Variants in DPP6 observed in about 807,000 individuals in gnomAD.
The protein encoded by DPP6 is A-type potassium channel modulatory protein DPP6.
A neutral mutation model predicts 122.6 loss-of-function variants in DPP6; 69 were observed. That is an observed-to-expected ratio of 0.56 (90% CI 0.46 to 0.69). The LOEUF (loss-of-function observed/expected upper bound fraction) is 0.69. DPP6 is among the 30% of genes least tolerant of loss of function. The probability of loss-of-function intolerance (pLI) is 0.00; values close to 1 mark genes in which losing one functional copy is unlikely to be tolerated. For synonymous variants in DPP6, 418 were observed against 433.1 expected (o/e 0.97, Z 0.43); for missense variants, 928 against 1,116.9 (o/e 0.83, Z 2.41).
chr7:154,779,734 C>G (rs946141110), intron 10 of DPP6, among the ~76,000 whole-genome samples: 5 of 152,158 alleles, frequency 3.3e-5, no homozygotes, highest in Non-Finnish European at 7.4e-5. Context: ...CAGACATCTT[C>G]AGGTGATTCC....
At chr7:154,555,164 G>C (rs1829924361) in intron 4 of DPP6, among the ~76,000 whole-genome samples, 1 of 151,882 alleles carries the variant, frequency 6.6e-6, no homozygotes, top group South Asian at 2.1e-4. Context: ...CAAACCAAAT[G>C]ATTCAAATAA....
At chr7:154,183,116 C>T (rs969281719) in intron 1 of DPP6, among the ~76,000 whole-genome samples, 1 of 152,120 alleles carries the variant, frequency 6.6e-6, no homozygotes, top group Admixed American at 6.6e-5. Flanking sequence ...TGTTGAGTCC[C>T]CAGCTGGCTA....
At chr7:154,702,457 A>G (rs2131269583) in intron 7 of DPP6, among the ~76,000 whole-genome samples, 1 of 152,400 alleles carries the variant, frequency 6.6e-6, no homozygotes, top group Admixed American at 6.5e-5. Flanking sequence ...AAGTCTTTGA[A>G]GAAAATTAAA....
chr7:154,613,009 A>C (rs1367875460), intron 5 of DPP6, among the ~76,000 whole-genome samples: 2 of 152,108 alleles, frequency 1.3e-5, no homozygotes, highest in Non-Finnish European at 2.9e-5. Context: ...CAAACTTCTG[A>C]CTTCTTGTTG....
chr7:154,864,367 C>T (rs977559564), intron 17 of DPP6, among the ~76,000 whole-genome samples: 1 of 152,162 alleles, frequency 6.6e-6, no homozygotes, highest in African/African-American at 2.4e-5. Context: ...GCCCATGGGA[C>T]GCAGCGAGGG....
intron 2 of DPP6, among the ~76,000 whole-genome samples, chr7:154,459,009 G>A (rs755373279): frequency 6.6e-5 from 10 of 152,182 alleles, no homozygotes; most frequent in African/African-American, 7.2e-5. Context: ...AGGAAGAGGA[G>A]AGGAAGAGGA....
At chr7:154,291,914 C>T (rs73491233) in intron 1 of DPP6, among the ~76,000 whole-genome samples, 134 of 152,252 alleles carry the variant, frequency 8.8e-4, no homozygotes, top group African/African-American at 3.1e-3. Context: ...AATAAAGGAG[C>T]GTATCAGCTT....
At chr7:154,314,585 G>A (rs993071177) in intron 1 of DPP6, among the ~76,000 whole-genome samples, 1 of 152,186 alleles carries the variant, frequency 6.6e-6, no homozygotes, top group African/African-American at 2.4e-5. Flanking sequence ...GTGCCCCTGA[G>A]ACGTGTCAGC....
At chr7:154,841,985 G>A (rs568539139) in intron 16 of DPP6, among the ~76,000 whole-genome samples, 5 of 152,222 alleles carry the variant, frequency 3.3e-5, no homozygotes, top group East Asian at 1.9e-4. Context: ...TGCTGTCCTC[G>A]GAACAAATAT....
At chr7:154,800,374 C>T (rs900826486) in intron 12 of DPP6, among the ~76,000 whole-genome samples, 10 of 152,138 alleles carry the variant, frequency 6.6e-5, no homozygotes, top group Non-Finnish European at 1.3e-4. Context: ...AGTTCTCATC[C>T]CCGCATTCGT....
chr7:153,801,666 A>G, the DPP6 span, among the ~76,000 whole-genome samples: 33 of 152,282 alleles, frequency 2.2e-4, no homozygotes, highest in African/African-American at 7.9e-4. Context: ...GTGGTGGGAG[A>G]AGAAAGAAAA....
chr7:153,753,086 T>C, the DPP6 span, among the ~76,000 whole-genome samples: 3 of 152,034 alleles, frequency 2.0e-5, no homozygotes, highest in Non-Finnish European at 4.4e-5. Flanking sequence ...AATTCTTCGC[T>C]CTATCTGATG....
rs547607560 is a variant in DPP6 at position 154,449,804 on chromosome 7, G to A, written c.358+3476G>A. Among the ~76,000 whole-genome samples, 8 of 151,964 alleles carry A rather than the reference G, an allele frequency of 5.3e-5. No individual in the cohort carries two copies. In the South Asian group the frequency reaches 1.5e-3, roughly 28 times the overall value. ...GGGTGGATCATGAGGTCAGGAAGCC[G>A]AGACCATACTGGCTAACACATTGAA... On this transcript the variant is annotated intron_variant, in intron 2 of 25. Coordinates refer to ENST00000377770, the MANE Select transcript of DPP6 (RefSeq NM_130797.4).
intron 1 of DPP6, among the ~76,000 whole-genome samples, chr7:153,936,759 C>T (rs1368590730): frequency 2.6e-5 from 4 of 151,644 alleles, no homozygotes; most frequent in Non-Finnish European, 5.9e-5. Context: ...TGCAGTGAGC[C>T]GAGATCAAGC....
intron 1 of DPP6, among the ~76,000 whole-genome samples, chr7:154,149,059 A>G (rs1200176092): frequency 6.6e-5 from 10 of 152,258 alleles, no homozygotes; most frequent in Non-Finnish European, 1.3e-4. Context: ...TATGCTGGGC[A>G]GAAACCTCAC....
the DPP6 span, among the ~76,000 whole-genome samples, chr7:153,797,842 C>CTTTTT: frequency 6.6e-6 from 1 of 151,430 alleles, no homozygotes; most frequent in African/African-American, 2.4e-5. Flanking sequence ...TCTTCTTCTT[C>CTTTTT]TTTTTTTTCT....
intron 1 of DPP6, among the ~76,000 whole-genome samples, chr7:154,404,395 A>G (rs1815894091): frequency 1.3e-5 from 2 of 152,274 alleles, no homozygotes; most frequent in African/African-American, 2.4e-5. Flanking sequence ...GAAGACAACA[A>G]CATTAGACTT....
At chr7:154,503,323 A>G (rs1394401386) in intron 3 of DPP6, among the ~76,000 whole-genome samples, 1 of 152,222 alleles carries the variant, frequency 6.6e-6, no homozygotes, top group African/African-American at 2.4e-5. Flanking sequence ...TAAAATCCAA[A>G]GAGCATGTGG....
chr7:154,469,103 C>G (rs1822035006), intron 2 of DPP6, among the ~76,000 whole-genome samples: 2 of 152,150 alleles, frequency 1.3e-5, no homozygotes, highest in Non-Finnish European at 2.9e-5. Context: ...AGGAAAATAT[C>G]AAGCTAGTAT....
Sources: allele counts gnomAD v4.1 joint callset (sites outside exome capture counted in the v4.1 genomes callset), GRCh38; gene constraint gnomAD v4.1.1; transcripts MANE v1.5; gene names NCBI Gene and HGNC (gene_info 2026-07-23, HGNC 2026-07-21).